The following GALNT13 variants were observed in gnomAD, a reference collection of about 807,000 sequenced individuals.
GALNT13 encodes the protein polypeptide N-acetylgalactosaminyltransferase 13, also known as UDP-GalNAc:polypeptide N-acetylgalactosaminyltransferase 13.
Under a neutral mutation model 64.2 loss-of-function variants are expected in GALNT13, and 28 were observed. That is an observed-to-expected ratio of 0.44 (90% confidence interval 0.32 to 0.60). The LOEUF (loss-of-function observed/expected upper bound fraction) is 0.60. Ranked by LOEUF, GALNT13 falls within the 20% of genes least tolerant of loss-of-function variation. The pLI, the probability that GALNT13 is intolerant of heterozygous loss-of-function variation, is 0.05. For missense variants in GALNT13, 577 were observed against 669.8 expected, an observed-to-expected ratio of 0.86 and a Z score of 1.53; for synonymous variants, 214 against 224.6, an observed-to-expected ratio of 0.95 and a Z score of 0.42.
In GALNT13 at chr2:153,890,033, C is replaced by T. The variant is rs560575982; in HGVS notation, c.-176-10903C>T. Among the ~76,000 whole-genome samples the T allele has an allele frequency of 3.3e-5, 5 of 151,882 alleles. No individual in the cohort carries two copies. In the East Asian group the frequency reaches 5.9e-4, roughly 18 times the overall value. On this transcript the variant is annotated intron_variant, in intron 1 of 12. Coordinates refer to ENST00000392825, the MANE Select transcript of GALNT13 (RefSeq NM_052917.4). The stretch of plus-strand genomic sequence containing the variant: ...GTCTCATACTATCAAGATAATTGTT[C>T]TCTCATTCTTGCTTCTGAGAATTAT...
the GALNT13 span, among the ~76,000 whole-genome samples, chr2:153,576,715 A>G: frequency 6.6e-6 from 1 of 152,192 alleles, no homozygotes; most frequent in South Asian, 2.1e-4. Context: ...CTAGGTACTA[A>G]GAGGGCTCCC....
the GALNT13 span, among the ~76,000 whole-genome samples, chr2:153,656,071 T>A: frequency 2.0e-5 from 3 of 152,174 alleles, no homozygotes; most frequent in African/African-American, 7.2e-5. Flanking sequence ...AATTAAACAT[T>A]TTAATTGGCT....
the GALNT13 span, among the ~76,000 whole-genome samples, chr2:153,304,331 C>G: frequency 6.6e-5 from 10 of 151,954 alleles, no homozygotes; most frequent in African/African-American, 2.2e-4. Flanking sequence ...GCAGATTCCA[C>G]CTATAGATGA....
the GALNT13 span, among the ~76,000 whole-genome samples, chr2:153,244,256 C>A: frequency 6.6e-6 from 1 of 152,132 alleles, no homozygotes. Context: ...AGATGAATGA[C>A]TTATGATGAC....
At chr2:153,284,403 G>A in the GALNT13 span, among the ~76,000 whole-genome samples, 8 of 152,106 alleles carry the variant, frequency 5.3e-5, no homozygotes, top group Non-Finnish European at 1.2e-4. Flanking sequence ...CTCAACCTCT[G>A]GACTGAGACT....
chr2:154,047,247 A>C (rs1699338633), intron 3 of GALNT13, among the ~76,000 whole-genome samples: 1 of 152,216 alleles, frequency 6.6e-6, no homozygotes, highest in African/African-American at 2.4e-5. Context: ...CAATAAATGA[A>C]TAAATAATGA....
chr2:153,541,453 T>A, the GALNT13 span, among the ~76,000 whole-genome samples: 1 of 152,182 alleles, frequency 6.6e-6, no homozygotes, highest in African/African-American at 2.4e-5. Flanking sequence ...CTCTCATTTC[T>A]CTTCTTTCTC....
intron 3 of GALNT13, among the ~76,000 whole-genome samples, chr2:154,060,181 G>A (rs1388786277): frequency 2.0e-5 from 3 of 151,986 alleles, no homozygotes; most frequent in Non-Finnish European, 2.9e-5. Context: ...CTCCTTGATC[G>A]TGGATTTTCC....
chr2:153,585,948 G>T, the GALNT13 span, among the ~76,000 whole-genome samples: 1 of 152,150 alleles, frequency 6.6e-6, no homozygotes, highest in Non-Finnish European at 1.5e-5. Flanking sequence ...TTCATCACCA[G>T]TAGACTGACC....
At chr2:153,597,995 G>C in the GALNT13 span, among the ~76,000 whole-genome samples, 24 of 151,920 alleles carry the variant, frequency 1.6e-4, no homozygotes, top group Non-Finnish European at 3.1e-4. Flanking sequence ...AATGTAAAGT[G>C]GTACACCTAC....
chr2:153,465,740 T>G, the GALNT13 span, among the ~76,000 whole-genome samples: 1 of 151,920 alleles, frequency 6.6e-6, no homozygotes, highest in Non-Finnish European at 1.5e-5. Flanking sequence ...CCATTTTGAG[T>G]GTAACTTCTG....
chr2:154,260,935 C>T (rs1401100671), intron 8 of GALNT13, among the ~76,000 whole-genome samples: 5 of 152,162 alleles, frequency 3.3e-5, no homozygotes, highest in Non-Finnish European at 5.9e-5. Context: ...TTAGAATTCA[C>T]CTCTTTCCTC....
At chr2:153,533,619 CGTT>C in the GALNT13 span, among the ~76,000 whole-genome samples, 4 of 148,432 alleles carry the variant, frequency 2.7e-5, no homozygotes, top group Non-Finnish European at 4.4e-5. Context: ...AATTATCAGT[CGTT>C]GTTTTGATGT....
the GALNT13 span, among the ~76,000 whole-genome samples, chr2:153,705,639 A>T: frequency 6.6e-6 from 1 of 152,174 alleles, no homozygotes; most frequent in Non-Finnish European, 1.5e-5. Context: ...TCAAGGGAAA[A>T]GTTAGGCACA....
chr2:154,259,103 A>G lies in GALNT13; in HGVS notation c.940A>G (p.Ile314Val). 6.2e-7 allele frequency: 1 copy of G among 1,603,106 alleles called. No individual in the cohort carries two copies. Among genetic ancestry groups the G allele is most frequent in the South Asian group, 1.1e-5 (1 of 89,684 alleles). Residue 314 changes from isoleucine to valine, a missense_variant, in exon 8 of 13, where the codon ATC becomes GTC. By Grantham distance (29) the Ile-to-Val change is conservative (BLOSUM62 3). Coordinates refer to ENST00000392825, the MANE Select transcript of GALNT13 (RefSeq NM_052917.4). The part of the protein sequence containing the change: ...EIGTYDAGMD[I>V]WGGENLEMSF... ...AGGAACTTACGATGCAGGAATGGAT[A>G]TCTGGGGTGGAGAGAATCTTGAAAT...
the GALNT13 span, among the ~76,000 whole-genome samples, chr2:153,197,261 A>G: frequency 6.6e-6 from 1 of 152,158 alleles, no homozygotes; most frequent in African/African-American, 2.4e-5. Context: ...CCTGGGGTTA[A>G]TGATAGGGTG....
chr2:154,385,779 G>C (rs1401509448), intron 9 of GALNT13, among the ~76,000 whole-genome samples: 1 of 151,836 alleles, frequency 6.6e-6, no homozygotes, highest in Non-Finnish European at 1.5e-5. Context: ...TTTCAATAAT[G>C]GTCCAATATG....
chr2:154,282,961 T>C (rs1692044494), intron 8 of GALNT13, among the ~76,000 whole-genome samples: 1 of 152,084 alleles, frequency 6.6e-6, no homozygotes, highest in Non-Finnish European at 1.5e-5. Context: ...TCAATCAAAA[T>C]GACAATGAAG....
At chr2:153,253,988 G>T in the GALNT13 span, among the ~76,000 whole-genome samples, 1 of 152,182 alleles carries the variant, frequency 6.6e-6, no homozygotes, top group Non-Finnish European at 1.5e-5. Flanking sequence ...CTCATAAAAT[G>T]AGTTAGGACA....
Sources: gnomAD v4.1 joint callset for allele counts (sites outside exome capture counted in the v4.1 genomes callset) on GRCh38, gnomAD v4.1.1 for gene constraint, MANE v1.5 for transcripts, NCBI Gene and HGNC (gene_info 2026-07-23, HGNC 2026-07-21) for gene names.